Variants in CIMIP2C observed in about 807,000 individuals in gnomAD.
CIMIP2C encodes the protein ciliary microtubule inner protein 2C.
At chr2:26,565,047 CCTTCTCCTTCTT>C in the CIMIP2C span, among the ~76,000 whole-genome samples, 1 of 151,656 alleles carries the variant, frequency 6.6e-6, no homozygotes, top group Non-Finnish European at 1.5e-5. Flanking sequence ...TTCTCCTTCT[CCTTCTCCTTCTT>C]CTTCCCCTTC....
chr2:26,566,119 C>T, the CIMIP2C span, among the ~76,000 whole-genome samples: 4 of 152,220 alleles, frequency 2.6e-5, no homozygotes, highest in Non-Finnish European at 5.9e-5. Flanking sequence ...CATGCCTCAC[C>T]GGCTCTCAGT....
chr2:26,566,120 G>A, the CIMIP2C span, among the ~76,000 whole-genome samples: 1 of 152,216 alleles, frequency 6.6e-6, no homozygotes, highest in African/African-American at 2.4e-5. Context: ...ATGCCTCACC[G>A]GCTCTCAGTG....
At chr2:26,568,876 C>A in the CIMIP2C span, among the ~76,000 whole-genome samples, 1 of 152,040 alleles carries the variant, frequency 6.6e-6, no homozygotes, top group African/African-American at 2.4e-5. Context: ...CAAAAATTAG[C>A]TGGGCATAGT....
the CIMIP2C span, chr2:26,562,723 C>A: frequency 1.3e-6 from 2 of 1,523,530 alleles, no homozygotes; most frequent in Non-Finnish European, 1.8e-6. Context: ...CTCCCCCTTC[C>A]ACTAGCGCCC....
At chr2:26,572,272 T>C in the CIMIP2C span, 1 of 971,800 alleles carries the variant, frequency 1.0e-6, no homozygotes, top group Non-Finnish European at 1.5e-6. Flanking sequence ...ACCTAGTTGC[T>C]ATTCCTGGTT....
the CIMIP2C span, chr2:26,562,697 G>A: frequency 1.3e-6 from 2 of 1,561,036 alleles, no homozygotes; most frequent in African/African-American, 1.4e-5. Context: ...GTAAGGCCGA[G>A]GGAGCGCCTC....
At chr2:26,575,277 C>G in the CIMIP2C span, among the ~76,000 whole-genome samples, 93,763 of 152,060 alleles carry the variant, frequency 0.62, 29,509 homozygotes, top group Middle Eastern at 0.76. Context: ...CCTGAACCTA[C>G]GCCTTGCTAC....
At chr2:26,565,338 G>T in the CIMIP2C span, among the ~76,000 whole-genome samples, 1 of 152,126 alleles carries the variant, frequency 6.6e-6, no homozygotes, top group East Asian at 1.9e-4. Flanking sequence ...TGATCAACCC[G>T]CCTTGGCCTC....
At chr2:26,564,419 C>T in the CIMIP2C span, among the ~76,000 whole-genome samples, 330 of 152,274 alleles carry the variant, frequency 2.2e-3, 1 homozygote, top group African/African-American at 7.6e-3. Context: ...CTCAGCAGTT[C>T]CCTTGAGCGC....
At chr2:26,576,088 C>G in the CIMIP2C span, 1 of 1,614,108 alleles carries the variant, frequency 6.2e-7, no homozygotes, top group African/African-American at 1.3e-5. Context: ...AGCGCGCCAG[C>G]ACCCGGGACC....
At chr2:26,563,246 ACCTCCCTTTAT>A in the CIMIP2C span, 1 of 152,210 alleles carries the variant, frequency 6.6e-6, no homozygotes, top group Non-Finnish European at 1.5e-5. Context: ...CCTTTCACAG[ACCTCCCTTTAT>A]CCTCCCAGAA....
At chr2:26,568,355 C>T in the CIMIP2C span, among the ~76,000 whole-genome samples, 1 of 152,178 alleles carries the variant, frequency 6.6e-6, no homozygotes, top group African/African-American at 2.4e-5. Flanking sequence ...TCATTCCCCA[C>T]CCCTTTCCCA....
chr2:26,576,124 T>C, the CIMIP2C span: 13 of 1,614,122 alleles, frequency 8.1e-6, no homozygotes, highest in South Asian at 1.4e-4. Context: ...CCAGCTACAC[T>C]CGCTTCAACC....
At chr2:26,575,967 A>G in the CIMIP2C span, 2 of 1,613,954 alleles carry the variant, frequency 1.2e-6, no homozygotes, top group South Asian at 1.1e-5. Context: ...ACCACCCTCA[A>G]GTACTTCCAG....
At chr2:26,578,718 GC>G in the CIMIP2C span, 312 of 470,562 alleles carry the variant, frequency 6.6e-4, 1 homozygote, top group African/African-American at 5.6e-3. Context: ...GCCAGGATCT[GC>G]CCCCCATCCC....
At chr2:26,562,912 C>A in the CIMIP2C span, 1 of 562,916 alleles carries the variant, frequency 1.8e-6, no homozygotes, top group Non-Finnish European at 3.1e-6. Context: ...GAAGGCGCTC[C>A]CTGGCAAGTG....
the CIMIP2C span, chr2:26,575,764 T>C: frequency 1.4e-4 from 140 of 1,025,868 alleles, 1 homozygote; most frequent in South Asian, 2.3e-3. Flanking sequence ...GCTCAGGTGT[T>C]CTTCCCTCCT....
At chr2:26,575,661 T>G in the CIMIP2C span, among the ~76,000 whole-genome samples, 25 of 152,312 alleles carry the variant, frequency 1.6e-4, no homozygotes, top group South Asian at 2.9e-3. Flanking sequence ...CCCCTGACTC[T>G]GCCCTTCATC....
the CIMIP2C span, chr2:26,578,133 C>G: frequency 6.4e-6 from 1 of 157,198 alleles, no homozygotes; most frequent in South Asian, 1.9e-4. Flanking sequence ...CTGCCCCTCT[C>G]TGCTTTTATC....
Sources: gnomAD v4.1 joint callset for allele counts (sites outside exome capture counted in the v4.1 genomes callset) on GRCh38, gnomAD v4.1.1 for gene constraint, MANE v1.5 for transcripts, NCBI Gene and HGNC (gene_info 2026-07-23, HGNC 2026-07-21) for gene names.